The following MID2 variants were observed in gnomAD, a reference collection of about 807,000 sequenced individuals.
MID2 encodes the protein midline 2, also known as probable E3 ubiquitin-protein ligase MID2.
Under a neutral mutation model 46.1 loss-of-function variants are expected in MID2, and 13 were observed. The observed-to-expected ratio is 0.28, with a 90% confidence interval of 0.18 to 0.45. The LOEUF is 0.45. Ranked by LOEUF, MID2 falls within the 20% of genes least tolerant of loss-of-function variation. The pLI is 1.00. For synonymous variants in MID2, 199 were observed against 212.3 expected, an observed-to-expected ratio of 0.94 and a Z score of 0.55; for missense variants, 431 against 575.4, an observed-to-expected ratio of 0.75 and a Z score of 2.57.
At chrX:107,926,041 T>C (rs1933167515) in intron 8 of MID2, 53 bp from the exon 9 acceptor site, 1 of 966,833 alleles carries the variant, frequency 1.0e-6, no homozygotes. Context: ...AAGGTAGAAT[T>C]TTAAGATACT....
chrX:107,924,451 C>A lies in MID2; in HGVS notation c.1544C>A (p.Ala515Asp). Residue 515 changes from alanine to aspartate, a missense_variant, in exon 8 of 10, where the codon GCC becomes GAC. By Grantham distance (126) the Ala-to-Asp change is moderately radical (BLOSUM62 -2). Coordinates refer to ENST00000262843, the MANE Select transcript of MID2 (RefSeq NM_012216.4). ...SGTRYIFIVKAINQAGSRNSE... is the reference protein window; with the variant it reads ...SGTRYIFIVKDINQAGSRNSE... ...ACTCGCTACATCTTCATCGTTAAAG[C>A]CATAAACCAAGCCGGCAGCCGGAAC... 1 of 1,211,500 alleles carries A rather than the reference C, an allele frequency of 8.3e-7. No homozygotes were observed. Among genetic ancestry groups the A allele is most frequent in the Non-Finnish European group, 1.1e-6 (1 of 895,224 alleles).
At chrX:107,833,429 A>ATATT (rs1460261729) in intron 1 of MID2, among the ~76,000 whole-genome samples, 45 of 104,410 alleles carry the variant, frequency 4.3e-4, no homozygotes, top group African/African-American at 1.6e-3. Flanking sequence ...ATATATATAT[A>ATATT]TTTTTTTTAA....
intron 2 of MID2, 107 bp downstream of exon 2, chrX:107,841,492 T>C (rs1931347217): frequency 3.5e-6 from 2 of 566,459 alleles, no homozygotes; most frequent in Non-Finnish European, 5.6e-6. Flanking sequence ...TGAGTTAACT[T>C]TAAGTTGTTC....
Position 107,930,792 on chromosome X carries a change from TTTG to T in MID2, c.*3729_*3731del, listed in dbSNP as rs1489276232. The stretch of plus-strand genomic sequence containing the variant: ...TTCAAAGAAGGTGACTGCATAAGCT[TTTG>T]TTGTTGTTGCTCTACTCAACCTGTT... On this transcript the variant is annotated 3_prime_UTR_variant, in exon 10 of 10. Coordinates refer to ENST00000262843, the MANE Select transcript of MID2 (RefSeq NM_012216.4). 8.9e-6 allele frequency among the ~76,000 whole-genome samples: 1 copy of T among 112,636 alleles called. No individual in the cohort carries two copies. The highest frequency in any genetic ancestry group is 1.9e-5 in the Non-Finnish European group (1 of 53,281).
Position 107,840,965 on chromosome X carries a change from G to C in MID2, c.300G>C (p.Gln100His). The C allele has an allele frequency of 1.7e-6, 2 of 1,211,639 alleles. No homozygotes were observed. Among genetic ancestry groups the C allele is most frequent in the South Asian group, 1.8e-5 (1 of 56,966 alleles). Residue 100 changes from glutamine (Q) to histidine (H), a missense_variant, in exon 2 of 10, where the codon CAG becomes CAC. Transcript: ENST00000262843. ...GCCTCAAGAGGAATGTGACTCTGCAGAACATTATTGATCGCTTCCAGAAGG... is the reference window on the plus strand; with the variant it reads ...GCCTCAAGAGGAATGTGACTCTGCACAACATTATTGATCGCTTCCAGAAGG... Reference protein sequence around the residue: ...LDGLKRNVTLQNIIDRFQKAS... With the variant: ...LDGLKRNVTLHNIIDRFQKAS...
chrX:107,906,339 C>T (rs1932835361), intron 5 of MID2, among the ~76,000 whole-genome samples: 1 of 111,230 alleles, frequency 9.0e-6, no homozygotes, highest in Admixed American at 9.5e-5. Context: ...CCTCCCATTG[C>T]CTCTGCCATC....
intron 3 of MID2, among the ~76,000 whole-genome samples, chrX:107,866,579 A>G (rs909387707): frequency 9.0e-6 from 1 of 111,227 alleles, no homozygotes; most frequent in Non-Finnish European, 1.9e-5. Context: ...GGACCTTTAT[A>G]AAAAATATTA....
intron 3 of MID2, chrX:107,895,326 A>C (rs992630389): frequency 3.6e-5 from 4 of 110,470 alleles, no homozygotes; most frequent in Admixed American, 2.9e-4. Context: ...CATTTGTGCT[A>C]CTTCTTTATA....
chrX:107,860,109 A>C (rs1931824965), intron 3 of MID2, among the ~76,000 whole-genome samples: 1 of 111,910 alleles, frequency 8.9e-6, no homozygotes, highest in Admixed American at 9.5e-5. Context: ...GAGACCAGTT[A>C]GATTTTTACT....
At chrX:107,883,316 G>A (rs1254257551) in intron 3 of MID2, among the ~76,000 whole-genome samples, 2 of 111,103 alleles carry the variant, frequency 1.8e-5, no homozygotes, top group African/African-American at 6.6e-5. Context: ...AAAACTGCAT[G>A]TTCTGCACAT....
intron 3 of MID2, among the ~76,000 whole-genome samples, chrX:107,878,163 C>A (rs777956635): frequency 1.8e-5 from 2 of 111,330 alleles, no homozygotes; most frequent in South Asian, 7.7e-4. Context: ...TGGGAGGGGA[C>A]GGTGAGTGGG....
chrX:107,885,437 A>G (rs1044588612), intron 3 of MID2, among the ~76,000 whole-genome samples: 4 of 110,282 alleles, frequency 3.6e-5, no homozygotes, highest in South Asian at 3.9e-4. Context: ...CATGTCCCTA[A>G]AAAGGACATG....
chrX:107,873,515 G>T (rs1350501318), intron 3 of MID2, among the ~76,000 whole-genome samples: 2 of 112,378 alleles, frequency 1.8e-5, no homozygotes, highest in African/African-American at 3.2e-5. Context: ...TTGGTCAGCA[G>T]CCTGTAGATG....
chrX:107,860,507 T>C (rs918982136), intron 3 of MID2, among the ~76,000 whole-genome samples: 14 of 111,803 alleles, frequency 1.3e-4, no homozygotes, highest in Non-Finnish European at 2.4e-4. Flanking sequence ...CCATGGAGAA[T>C]GTATAGATTG....
At chrX:107,919,348 T>C (rs371374135) in intron 7 of MID2, among the ~76,000 whole-genome samples, 14 of 111,204 alleles carry the variant, frequency 1.3e-4, no homozygotes, top group Middle Eastern at 4.6e-3. Context: ...GTCACAGAGC[T>C]ACGAAATGAG....
Position 107,929,518 on chromosome X carries a change from A to G in MID2, c.*2445A>G, listed in dbSNP as rs1933246778. On this transcript the variant is annotated 3_prime_UTR_variant, in exon 10 of 10. Coordinates refer to ENST00000262843, the MANE Select transcript of MID2 (RefSeq NM_012216.4). ...CTGGGCCTGCAGCAGAAACATGATT[A>G]ACAATTTTAATGCCCAGAGTAAACA... 8.9e-6 allele frequency among the ~76,000 whole-genome samples: 1 copy of G among 111,991 alleles called. No homozygotes were observed. The highest frequency in any genetic ancestry group is 1.9e-5 in the Non-Finnish European group (1 of 53,109).
intron 3 of MID2, among the ~76,000 whole-genome samples, chrX:107,864,807 A>T (rs1569464828): frequency 8.9e-6 from 1 of 112,025 alleles, no homozygotes; most frequent in Non-Finnish European, 1.9e-5. Context: ...AGAAGTACAC[A>T]TACAGCCAGG....
chrX:107,876,986 G>A, intron 3 of MID2, among the ~76,000 whole-genome samples: 1 of 111,260 alleles, frequency 9.0e-6, no homozygotes, highest in Non-Finnish European at 1.9e-5. Context: ...AGCTGGATGG[G>A]GAGGAAGGGG....
At chrX:107,924,846 C>T (rs985414867) in intron 8 of MID2, among the ~76,000 whole-genome samples, 7 of 112,306 alleles carry the variant, frequency 6.2e-5, no homozygotes, top group African/African-American at 2.3e-4. Flanking sequence ...GTTAGGAATG[C>T]TTTTGACAGC....
Sources: allele counts gnomAD v4.1 joint callset (sites outside exome capture counted in the v4.1 genomes callset), GRCh38; gene constraint gnomAD v4.1.1; transcripts MANE v1.5; gene names NCBI Gene and HGNC (gene_info 2026-07-23, HGNC 2026-07-21).